Variants in DYM observed in about 807,000 individuals in gnomAD.
DYM encodes the protein dyggve-Melchior-Clausen syndrome protein.
In DYM, 78 loss-of-function variants were observed where a neutral mutation model predicts 93.1. The observed-to-expected ratio is 0.84, with a 90% CI of 0.70 to 1.01. The LOEUF (loss-of-function observed/expected upper bound fraction) is 1.01. DYM is among the 50% of genes least tolerant of loss of function. The pLI is 0.00. For synonymous variants in DYM, 321 were observed against 319.7 expected, an observed-to-expected ratio of 1.00 and a Z score of -0.04; for missense variants, 789 against 845.0, an observed-to-expected ratio of 0.93 and a Z score of 0.82.
rs72500406 is a variant in DYM at position 49,206,003 on chromosome 18, G to GTTTTTTTTTTTTTTTTTT, written c.1625+3547_1625+3548insAAAAAAAAAAAAAAAAAA. On this transcript the variant is annotated intron_variant, in intron 14 of 17. Coordinates refer to ENST00000675505, the MANE Select transcript of DYM (RefSeq NM_001353214.3). The stretch of plus-strand genomic sequence containing the variant: ...TTGACTAAGGTAGAGTTTTTTTTTT[G>GTTTTTTTTTTTTTTTTTT]TTTTTTTGTTTTTTGCGGAGTCTTG... 46 of 142,786 alleles carry GTTTTTTTTTTTTTTTTTT rather than the reference G, an allele frequency of 3.2e-4. 2 individuals are homozygous for GTTTTTTTTTTTTTTTTTT. Among genetic ancestry groups the GTTTTTTTTTTTTTTTTTT allele is most frequent in the Admixed American group, 5.6e-4 (7 of 12,462 alleles). 8.8% of individuals were successfully genotyped at this position (142,786 alleles called of 1,614,324 possible).
intron 13 of DYM, among the ~76,000 whole-genome samples, chr18:49,255,710 G>A (rs1041188355): frequency 2.0e-5 from 3 of 149,914 alleles, no homozygotes; most frequent in Admixed American, 1.3e-4. Context: ...ACCCTGCATT[G>A]CCCCAAAAGT....
chr18:49,420,312 C>T (rs369683916), intron 2 of DYM, among the ~76,000 whole-genome samples: 16 of 151,970 alleles, frequency 1.1e-4, no homozygotes, highest in Admixed American at 5.9e-4. Flanking sequence ...GGATTACAGG[C>T]GCCCGCCACC....
In DYM at chr18:49,041,726, C is replaced by T. The variant is rs1191137264; in HGVS notation, c.*2329G>A. On this transcript the variant is annotated 3_prime_UTR_variant, in exon 18 of 18. Transcript: ENST00000675505. ...GAAAGAGGGGAGGGCAATCAGGGTT[C>T]TGGGGGCACCTCAGTGAGCCCAGAG... 1 of 152,162 alleles carries T rather than the reference C, an allele frequency of 6.6e-6. No individual in the cohort carries two copies. The highest frequency in any genetic ancestry group is 1.5e-5 in the Non-Finnish European group (1 of 68,064). 9.4% of individuals were successfully genotyped at this position (152,162 alleles called of 1,614,324 possible).
chr18:49,254,546 T>C (rs983793556), intron 13 of DYM, among the ~76,000 whole-genome samples: 3 of 152,066 alleles, frequency 2.0e-5, no homozygotes, highest in African/African-American at 7.3e-5. Context: ...ACTATGTTTC[T>C]TATTTCTTCA....
At chr18:49,422,877 G>C (rs1426460044) in intron 2 of DYM, among the ~76,000 whole-genome samples, 1 of 152,080 alleles carries the variant, frequency 6.6e-6, no homozygotes, top group African/African-American at 2.4e-5. Flanking sequence ...CCCAATACAG[G>C]AGCACCCAGA....
intron 5 of DYM, among the ~76,000 whole-genome samples, chr18:49,363,507 G>C (rs1272813108): frequency 6.6e-6 from 1 of 152,178 alleles, no homozygotes; most frequent in African/African-American, 2.4e-5. Flanking sequence ...GTAGTTGTCA[G>C]ATTTCTTATA....
At chr18:49,102,750 C>A (rs572122635) in intron 16 of DYM, among the ~76,000 whole-genome samples, 11 of 152,144 alleles carry the variant, frequency 7.2e-5, no homozygotes, top group South Asian at 2.1e-4. Context: ...TGAACTCATC[C>A]TTTTTTATGG....
At position 49,244,013 on chromosome 18, in the gene DYM, TA is replaced by T. The variant is rs200974139; in HGVS notation, c.1460+12996del. ...AGCAGGCACATTTTAGATTTTTTTT[TA>T]AAAAAGTCATTAACAGGAGGAGTGT... On this transcript the variant is annotated intron_variant, in intron 13 of 17. Coordinates refer to ENST00000675505, the MANE Select transcript of DYM (RefSeq NM_001353214.3). Among the ~76,000 whole-genome samples, 952 of 152,146 alleles carry T rather than the reference TA, an allele frequency of 6.3e-3. 10 individuals are homozygous for T. The highest frequency in any genetic ancestry group is 0.021 in the African/African-American group (882 of 41,530).
intron 8 of DYM, among the ~76,000 whole-genome samples, chr18:49,320,354 C>T (rs2062370076): frequency 1.3e-5 from 2 of 152,154 alleles, no homozygotes; most frequent in Non-Finnish European, 2.9e-5. Flanking sequence ...TAACATTTTG[C>T]TGTATTTGTG....
chr18:49,245,114 C>G (rs933515841), intron 13 of DYM, among the ~76,000 whole-genome samples: 1 of 152,190 alleles, frequency 6.6e-6, no homozygotes, highest in Non-Finnish European at 1.5e-5. Context: ...CTTCCCCAAT[C>G]AATACTTTTA....
chr18:49,100,202 C>G (rs540944118), intron 16 of DYM, among the ~76,000 whole-genome samples: 108 of 152,060 alleles, frequency 7.1e-4, no homozygotes, highest in Non-Finnish European at 1.2e-3. Flanking sequence ...AATAACAGCT[C>G]TAATATTTTC....
At chr18:49,177,829 T>G (rs1310716981) in intron 14 of DYM, among the ~76,000 whole-genome samples, 1 of 152,160 alleles carries the variant, frequency 6.6e-6, no homozygotes, top group African/African-American at 2.4e-5. Context: ...GCCTCCTGTA[T>G]ATACCAATGG....
rs763306693 is a variant in DYM at position 49,286,528 on chromosome 18, A to C, written c.852T>G (p.Ser284Arg). The C allele has an allele frequency of 6.2e-7, 1 of 1,613,978 alleles. No individual in the cohort carries two copies. Among genetic ancestry groups the C allele is most frequent in the Non-Finnish European group, 8.5e-7 (1 of 1,179,960 alleles). The change falls in exon 9 of 18, where the codon AGT becomes AGG. Residue 284 changes from serine (S) to arginine (R), a missense_variant. Physicochemically the swap from Ser to Arg is moderately radical, Grantham distance 110. Coordinates refer to ENST00000675505, the MANE Select transcript of DYM (RefSeq NM_001353214.3). ...PELSSPLANQ[S>R]LLLLLVLANL... The stretch of plus-strand genomic sequence containing the variant: ...TGGCCAACACCAGCAGAAGCAGGAG[A>C]CTCTGGTTGGCCAGAGGGGAAGAAA...
chr18:49,361,068 C>T (rs913228907), intron 6 of DYM, among the ~76,000 whole-genome samples: 6 of 152,188 alleles, frequency 3.9e-5, no homozygotes, highest in Admixed American at 1.3e-4. Flanking sequence ...CACATGGAAC[C>T]GCCAAAGTGT....
chr18:49,146,785 G>C, intron 15 of DYM, among the ~76,000 whole-genome samples: 1 of 152,176 alleles, frequency 6.6e-6, no homozygotes, highest in Non-Finnish European at 1.5e-5. Flanking sequence ...GTAATTTATA[G>C]ATTCAATGCC....
chr18:49,079,799 T>C (rs1418939254), intron 17 of DYM, among the ~76,000 whole-genome samples: 1 of 151,964 alleles, frequency 6.6e-6, no homozygotes, highest in Non-Finnish European at 1.5e-5. Context: ...CTCCCATGTC[T>C]ACTTCTTTCT....
intron 14 of DYM, among the ~76,000 whole-genome samples, chr18:49,204,068 G>C (rs757394377): frequency 8.6e-5 from 13 of 152,002 alleles, no homozygotes; most frequent in Middle Eastern, 3.4e-3. Context: ...GTCCATGTAA[G>C]CCTAAATCAG....
chr18:49,321,465 A>T (rs2146595262), intron 8 of DYM: 1 of 397,256 alleles, frequency 2.5e-6, no homozygotes, highest in Middle Eastern at 6.3e-4. Flanking sequence ...TTGTCAGCAA[A>T]TTACAAGAAA....
chr18:49,427,418 C>A (rs1354989330), intron 2 of DYM, among the ~76,000 whole-genome samples: 6 of 152,038 alleles, frequency 3.9e-5, no homozygotes, highest in Admixed American at 2.0e-4. Context: ...AGGACAAGAA[C>A]CATCAAGTGC....
Sources: gnomAD v4.1 joint callset for allele counts (sites outside exome capture counted in the v4.1 genomes callset) on GRCh38, gnomAD v4.1.1 for gene constraint, MANE v1.5 for transcripts, NCBI Gene and HGNC (gene_info 2026-07-23, HGNC 2026-07-21) for gene names.